Variants in SPATA21 observed in about 807,000 individuals in gnomAD.
The protein encoded by SPATA21 is spermatogenesis associated 21, also known as spermatogenesis-associated protein 21.
In SPATA21, 47 loss-of-function variants were observed where a neutral mutation model predicts 54.8. The ratio of observed to expected loss-of-function variants is 0.86; its 90% CI spans 0.68 to 1.09. The LOEUF is 1.09. Ranked by LOEUF, SPATA21 falls within the 50% of genes least tolerant of loss-of-function variation. SPATA21 has a pLI of 0.00. For synonymous variants in SPATA21, 245 were observed against 235.3 expected (o/e 1.04, Z -0.38); for missense variants, 599 against 596.4 (o/e 1.00, Z -0.05).
chr1:16,396,923 G>A (rs1233140330), downstream of SPATA21: 2 of 152,438 alleles, frequency 1.3e-5, no homozygotes, highest in African/African-American at 4.8e-5. Flanking sequence ...TAAGAGGGAG[G>A]ATTACCTTCA....
At chr1:16,405,193 C>T in intron 7 of SPATA21, 89 bp from the exon 8 acceptor site, 1 of 1,516,202 alleles carries the variant, frequency 6.6e-7, no homozygotes, top group South Asian at 1.3e-5. Context: ...TGCCAGCCTC[C>T]TCCACCATCA....
rs554367936 is a variant in SPATA21, at chr1:16,433,488, C to T, written c.-186-564G>A. On this transcript the variant is annotated intron_variant, in intron 1 of 12. Coordinates refer to ENST00000335496, the MANE Select transcript of SPATA21 (RefSeq NM_198546.1). ...GTTCCCCTAGCCATTCCCGCTTCCT[C>T]TGAGTCTTCCTGTCTCAGGGGTGGA... Among the ~76,000 whole-genome samples, 4 of 152,346 alleles carry T rather than the reference C, an allele frequency of 2.6e-5. No individual in the cohort carries two copies. The South Asian group carries it at 8.3e-4, about 32-fold the overall frequency.
At chr1:16,412,449 C>T (rs145129318) in intron 5 of SPATA21, among the ~76,000 whole-genome samples, 36 of 152,014 alleles carry the variant, frequency 2.4e-4, no homozygotes, top group African/African-American at 7.2e-4. Context: ...ATAACATACA[C>T]GTAACATTTA....
In SPATA21 at chr1:16,409,557, TG is replaced by T; in HGVS notation, c.587+43del. On this transcript the variant is annotated intron_variant, in intron 6 of 12. Coordinates refer to ENST00000335496, the MANE Select transcript of SPATA21 (RefSeq NM_198546.1). This position sits in a 1 kb window ranked among gnomAD's most constrained non-coding sequence, Gnocchi z 4.1. Reference sequence around the variant, plus strand: ...TGCATCCGGGACAAGGCTCTGATCTTGGGGCCTTTCAGGAGCGGGCGGGTGA... The same window carrying T: ...TGCATCCGGGACAAGGCTCTGATCTTGGGCCTTTCAGGAGCGGGCGGGTGA... The T allele has an allele frequency of 6.4e-7, 1 of 1,574,494 alleles. No homozygotes were observed.
intron 5 of SPATA21, among the ~76,000 whole-genome samples, chr1:16,415,572 T>C (rs1455564138): frequency 6.6e-6 from 1 of 152,128 alleles, no homozygotes; most frequent in Non-Finnish European, 1.5e-5. Flanking sequence ...TTATTATTCT[T>C]TTTTAGAGAC....
intron 1 of SPATA21, among the ~76,000 whole-genome samples, chr1:16,435,614 G>C (rs867963314): frequency 6.7e-5 from 10 of 149,254 alleles, no homozygotes; most frequent in South Asian, 6.3e-4. Context: ...ACCATGCCCG[G>C]CCCCCCCCTT....
In SPATA21 at chr1:16,428,339, C is replaced by T. The variant is rs551751022; in HGVS notation, c.34+2999G>A. ...CAAGACTCTCACAAGGTCCAAGAGA[C>T]GCCTTCAACAATTCCCATGCCTTCA... is the stretch of plus-strand genomic sequence containing the variant. On this transcript the variant is annotated intron_variant, in intron 3 of 12. Coordinates refer to ENST00000335496, the MANE Select transcript of SPATA21 (RefSeq NM_198546.1). The surrounding 1 kb of genome is among the most constrained non-coding windows in gnomAD (Gnocchi z 4.3). Among the ~76,000 whole-genome samples, 12 of 152,308 alleles carry T rather than the reference C, an allele frequency of 7.9e-5. 1 individual carries two copies. In the South Asian group the frequency reaches 8.3e-4, roughly 11 times the overall value.
At chr1:16,403,136 A>G (rs2085506076) in intron 10 of SPATA21, among the ~76,000 whole-genome samples, 1 of 152,046 alleles carries the variant, frequency 6.6e-6, no homozygotes, top group Non-Finnish European at 1.5e-5. Context: ...ATGAACCACT[A>G]CCTACCCACC....
chr1:16,403,275 A>G (rs1462840241), intron 10 of SPATA21, among the ~76,000 whole-genome samples: 1 of 152,096 alleles, frequency 6.6e-6, no homozygotes, highest in East Asian at 1.9e-4. Flanking sequence ...AGGAGGGTGT[A>G]AGCATGGGGC....
chr1:16,412,128 G>A (rs142106061), intron 5 of SPATA21, among the ~76,000 whole-genome samples: 1 of 152,040 alleles, frequency 6.6e-6, no homozygotes, highest in Non-Finnish European at 1.5e-5. Flanking sequence ...CCCCTCACTT[G>A]TGCTCCATTT....
chr1:16,401,189 A>G (rs2085435958), intron 10 of SPATA21, among the ~76,000 whole-genome samples: 1 of 152,232 alleles, frequency 6.6e-6, no homozygotes, highest in African/African-American at 2.4e-5. Flanking sequence ...CAGACAGTTC[A>G]CATGCCGTAG....
chr1:16,404,851 G>T, intron 8 of SPATA21, 116 bp downstream of exon 8: 1 of 1,159,450 alleles, frequency 8.6e-7, no homozygotes, highest in Non-Finnish European at 1.2e-6. Context: ...TGTGACAGTA[G>T]AGCATTAAAC....
At position 16,405,023 on chromosome 1, in the gene SPATA21, C is replaced by A. The variant is rs140528029; in HGVS notation, c.755G>T (p.Gly252Val). The A allele has an allele frequency of 5.2e-5, 84 of 1,609,206 alleles. No individual in the cohort carries two copies. The African/African-American group carries it at 1.1e-3, about 20-fold the overall frequency. Residue 252 changes from glycine to valine, a missense_variant, in exon 8 of 13, where the codon GGC becomes GTC. Transcript: ENST00000335496. ...CACCTGGGCCAGCGTCACAGAGAAGCCCATTAGGAGCAGGATATTCTTCAG... is the reference window on the plus strand; with the variant it reads ...CACCTGGGCCAGCGTCACAGAGAAGACCATTAGGAGCAGGATATTCTTCAG... ...QSLKNILLLM[G>V]FSVTLAQVED...
intron 2 of SPATA21, among the ~76,000 whole-genome samples, chr1:16,432,214 T>A (rs2086478435): frequency 6.6e-6 from 1 of 150,846 alleles, no homozygotes; most frequent in African/African-American, 2.4e-5. Context: ...CTCTGCCTCC[T>A]GGGCTCAAGC....
intron 1 of SPATA21, among the ~76,000 whole-genome samples, chr1:16,436,865 CAAAT>C (rs547773716): frequency 4.6e-5 from 7 of 151,152 alleles, no homozygotes; most frequent in South Asian, 2.1e-4. Flanking sequence ...TATGGAAAAA[CAAAT>C]AAATAAATAA....
intron 3 of SPATA21, 98 bp downstream of exon 3, chr1:16,431,240 T>TA (rs2086449757): frequency 1.2e-6 from 2 of 1,609,460 alleles, no homozygotes. Flanking sequence ...TGCAGGTCCC[T>TA]ACCTTGCTGA....
At chr1:16,424,128 T>G (rs528778594) in intron 3 of SPATA21, among the ~76,000 whole-genome samples, 15 of 150,084 alleles carry the variant, frequency 1.0e-4, no homozygotes, top group South Asian at 4.3e-4. Context: ...TGAATGCCAA[T>G]TATACCTTAC....
At chr1:16,412,041 T>C (rs377609578) in intron 5 of SPATA21, among the ~76,000 whole-genome samples, 11 of 152,228 alleles carry the variant, frequency 7.2e-5, no homozygotes, top group African/African-American at 2.6e-4. Context: ...CCATTCACTC[T>C]GTCCTTCTGG....
At chr1:16,422,130 C>T (rs1312510813) in intron 3 of SPATA21, 159 bp from the exon 4 acceptor site, 21 of 1,496,524 alleles carry the variant, frequency 1.4e-5, no homozygotes, top group Middle Eastern at 2.5e-4. Flanking sequence ...GGCCAAGCGG[C>T]AGCAAGGCTC....
Sources: allele counts gnomAD v4.1 joint callset (sites outside exome capture counted in the v4.1 genomes callset), GRCh38; gene constraint gnomAD v4.1.1; non-coding constraint Gnocchi (gnomAD v3.1); transcripts MANE v1.5; gene names NCBI Gene and HGNC (gene_info 2026-07-23, HGNC 2026-07-21).